The following CDH11 variants were observed in gnomAD, a reference collection of about 807,000 sequenced individuals.
CDH11 encodes the protein cadherin-11.
In CDH11, 11 loss-of-function variants were observed where a neutral mutation model predicts 67.8. The ratio of observed to expected loss-of-function variants is 0.16; its 90% CI spans 0.10 to 0.27. The LOEUF (loss-of-function observed/expected upper bound fraction) is 0.27, where lower values mean the gene tolerates loss of function less well. Among genes scored for constraint, CDH11 ranks in the 10% least tolerant of loss-of-function variants. The probability of loss-of-function intolerance (pLI) is 1.00; values close to 1 mark genes in which losing one functional copy is unlikely to be tolerated. For synonymous variants in CDH11, 419 were observed against 400.0 expected, an observed-to-expected ratio of 1.05 and a Z score of -0.57; for missense variants, 847 against 1,031.2, an observed-to-expected ratio of 0.82 and a Z score of 2.45.
At chr16:65,049,359 T>C (rs2074017108) in intron 2 of CDH11, among the ~76,000 whole-genome samples, 1 of 152,140 alleles carries the variant, frequency 6.6e-6, no homozygotes. Flanking sequence ...TACAGTGCTG[T>C]GCTTAGGAAT....
At chr16:65,094,426 TAC>T (rs143212489) in intron 1 of CDH11, among the ~76,000 whole-genome samples, 9,129 of 150,742 alleles carry the variant, frequency 0.061, 435 homozygotes, top group African/African-American at 0.14. Flanking sequence ...AACAGAAAAC[TAC>T]ACACACACAC....
At chr16:65,120,645 T>C (rs1016646432) in intron 1 of CDH11, among the ~76,000 whole-genome samples, 3 of 152,158 alleles carry the variant, frequency 2.0e-5, no homozygotes, top group African/African-American at 4.8e-5. Flanking sequence ...TGGTATTAAA[T>C]AATTAAAAGA....
chr16:65,101,178 G>C (rs1052881016), intron 1 of CDH11, among the ~76,000 whole-genome samples: 4 of 152,202 alleles, frequency 2.6e-5, no homozygotes, highest in African/African-American at 4.8e-5. Flanking sequence ...CTCCACATTT[G>C]TTGGCCTCTC....
intron 11 of CDH11, among the ~76,000 whole-genome samples, chr16:64,965,205 C>CAAAAAAAAAAA (rs71143537): frequency 3.5e-5 from 2 of 56,958 alleles, no homozygotes; most frequent in East Asian, 6.2e-4. Context: ...CTAAAAATAC[C>CAAAAAAAAAAA]AAAAAAAAAA....
chr16:65,067,753 AGGG>A, intron 1 of CDH11, among the ~76,000 whole-genome samples: 1 of 136,290 alleles, frequency 7.3e-6, no homozygotes, highest in Admixed American at 7.3e-5. Flanking sequence ...GGAGGAAGGG[AGGG>A]AGGAAGAAAG....
chr16:65,064,969 G>A (rs4967884), intron 1 of CDH11, among the ~76,000 whole-genome samples: 41,861 of 152,058 alleles, frequency 0.28, 6,554 homozygotes, highest in Middle Eastern at 0.4. Context: ...GGTGAGGAGC[G>A]GTGCCTACAG....
Position 65,121,934 on chromosome 16 carries a change from C to T in CDH11, c.-352G>A, listed in dbSNP as rs1266436754. 8.5e-6 allele frequency: 6 copies of T among 701,792 alleles called. No homozygotes were observed. Among genetic ancestry groups the T allele is most frequent in the Non-Finnish European group, 1.6e-5 (6 of 384,616 alleles). 43.5% of individuals were successfully genotyped at this position (701,792 alleles called of 1,614,324 possible). On this transcript the variant is annotated 5_prime_UTR_variant, in exon 1 of 13. Transcript: ENST00000268603. The surrounding 1 kb of genome is among the most constrained non-coding windows in gnomAD (Gnocchi z 4.1). ...CGAGCCGCCAGTCCCTGGCGCAGGGCAAGCGCTGCGGTGTCAGTCCCGGCC... is the reference window on the plus strand; with the variant it reads ...CGAGCCGCCAGTCCCTGGCGCAGGGTAAGCGCTGCGGTGTCAGTCCCGGCC...
At chr16:64,949,422 T>C (rs1247411834) in intron 12 of CDH11, among the ~76,000 whole-genome samples, 1 of 118,200 alleles carries the variant, frequency 8.5e-6, no homozygotes, top group Non-Finnish European at 1.6e-5. Context: ...GCCTTTTTTT[T>C]TTCTTTTTTT....
At chr16:65,103,535 C>T (rs928164843) in intron 1 of CDH11, among the ~76,000 whole-genome samples, 5 of 152,136 alleles carry the variant, frequency 3.3e-5, no homozygotes, top group Admixed American at 1.3e-4. Flanking sequence ...TAATCCGATT[C>T]TAACTTTTTT....
intron 1 of CDH11, among the ~76,000 whole-genome samples, chr16:65,077,131 T>C (rs898104268): frequency 6.6e-6 from 1 of 152,182 alleles, no homozygotes; most frequent in African/African-American, 2.4e-5. Flanking sequence ...AAAAATCCTA[T>C]TAGCTTTCAG....
intron 1 of CDH11, among the ~76,000 whole-genome samples, chr16:65,104,763 T>C (rs2075041787): frequency 6.6e-6 from 1 of 152,188 alleles, no homozygotes; most frequent in African/African-American, 2.4e-5. Flanking sequence ...TTTATATTGC[T>C]GTTGTGAAGG....
intron 1 of CDH11, among the ~76,000 whole-genome samples, chr16:65,067,498 C>A (rs113796551): frequency 1.2e-4 from 18 of 152,176 alleles, no homozygotes; most frequent in Non-Finnish European, 2.2e-4. Flanking sequence ...GTTGCTCATT[C>A]ATTCATTCAT....
At chr16:65,026,480 G>T (rs2073536950) in intron 2 of CDH11, among the ~76,000 whole-genome samples, 2 of 152,152 alleles carry the variant, frequency 1.3e-5, no homozygotes, top group South Asian at 4.1e-4. Context: ...GCTTTCTGGA[G>T]ATGCTCAGAA....
chr16:64,972,199 G>T, intron 9 of CDH11, 135 bp from the exon 10 acceptor site: 1 of 716,022 alleles, frequency 1.4e-6, no homozygotes, highest in Non-Finnish European at 2.4e-6. Context: ...TCACAGAATC[G>T]ATTTAAGAGC....
chr16:64,962,933 C>T (rs1567492365), intron 11 of CDH11, among the ~76,000 whole-genome samples: 1 of 152,142 alleles, frequency 6.6e-6, no homozygotes, highest in Non-Finnish European at 1.5e-5. Flanking sequence ...AAAACTGAGG[C>T]CCAGTCATAG....
intron 1 of CDH11, among the ~76,000 whole-genome samples, chr16:65,099,318 A>T: frequency 6.6e-6 from 1 of 152,300 alleles, no homozygotes. Context: ...TATTCATGTC[A>T]TCCAACAATT....
At chr16:64,959,808 G>T (rs1353956465) in intron 11 of CDH11, among the ~76,000 whole-genome samples, 1 of 152,146 alleles carries the variant, frequency 6.6e-6, no homozygotes, top group Non-Finnish European at 1.5e-5. Flanking sequence ...AAGCATATTT[G>T]CATGCTAGTT....
At position 64,988,166 on chromosome 16, in the gene CDH11, C is replaced by T; in HGVS notation, c.990G>A (p.Lys330=). Residue 330 remains lysine, a synonymous_variant, in exon 7 of 13, where the codon AAG becomes AAA. Coordinates refer to ENST00000268603, the MANE Select transcript of CDH11 (RefSeq NM_001797.4). ...TDYETQEGVI[K]LKKPVDFETK... ...CCTTACCCTAACTCACCTTTTTCAG[C>T]TTTATCACCCCCTCCTGTGTTTCAT... 2 of 1,607,428 alleles carry T rather than the reference C, an allele frequency of 1.2e-6. No homozygotes were observed. The highest frequency in any genetic ancestry group is 2.2e-5 in the South Asian group (2 of 89,860).
intron 8 of CDH11, among the ~76,000 whole-genome samples, chr16:64,978,250 G>A (rs1324406062): frequency 6.6e-6 from 1 of 152,130 alleles, no homozygotes; most frequent in African/African-American, 2.4e-5. Context: ...ATAAATATTT[G>A]TTAGACATCG....
Sources: gnomAD v4.1 joint callset for allele counts (sites outside exome capture counted in the v4.1 genomes callset) on GRCh38, gnomAD v4.1.1 for gene constraint, Gnocchi (gnomAD v3.1) non-coding constraint, MANE v1.5 for transcripts, NCBI Gene and HGNC (gene_info 2026-07-23, HGNC 2026-07-21) for gene names.